The following FAF1 variants were observed in gnomAD, a reference collection of about 807,000 sequenced individuals.
The protein encoded by FAF1 is FAS-associated factor 1.
A neutral mutation model predicts 92.5 loss-of-function variants in FAF1; 25 were observed. That is an observed-to-expected ratio of 0.27 (90% CI 0.20 to 0.38). FAF1 has a LOEUF of 0.38. FAF1 is among the 10% of genes least tolerant of loss of function. The pLI is 1.00. For synonymous variants in FAF1, 234 were observed against 273.2 expected, an observed-to-expected ratio of 0.86 and a Z score of 1.42; for missense variants, 636 against 793.3, an observed-to-expected ratio of 0.80 and a Z score of 2.38.
chr1:50,644,785 A>C (rs1267924992), intron 8 of FAF1, among the ~76,000 whole-genome samples: 2 of 152,230 alleles, frequency 1.3e-5, no homozygotes, highest in East Asian at 1.9e-4. Flanking sequence ...ATCCCAAAGC[A>C]GTTATCCCTT....
At chr1:50,581,328 ATT>A (rs1650979865) in intron 12 of FAF1, among the ~76,000 whole-genome samples, 1 of 152,122 alleles carries the variant, frequency 6.6e-6, no homozygotes, top group South Asian at 2.1e-4. Context: ...TTTTAAATGA[ATT>A]TTTCTTTGTA....
chr1:50,494,760 C>A (rs1034605648), intron 15 of FAF1, among the ~76,000 whole-genome samples: 1 of 152,192 alleles, frequency 6.6e-6, no homozygotes, highest in African/African-American at 2.4e-5. Flanking sequence ...CCTATAGCAT[C>A]TAGCATACTA....
intron 1 of FAF1, among the ~76,000 whole-genome samples, chr1:50,885,808 T>C (rs775287297): frequency 6.6e-6 from 1 of 152,204 alleles, no homozygotes; most frequent in South Asian, 2.1e-4. Flanking sequence ...CTTTCTCTGG[T>C]AGTATGAGTT....
chr1:50,739,603 GT>G (rs768223166), intron 5 of FAF1, among the ~76,000 whole-genome samples: 6 of 151,974 alleles, frequency 3.9e-5, no homozygotes, highest in Non-Finnish European at 8.8e-5. Context: ...TATATACTTC[GT>G]TTCAGGGTCA....
intron 1 of FAF1, among the ~76,000 whole-genome samples, chr1:50,929,187 T>A (rs369742313): frequency 3.9e-5 from 6 of 151,904 alleles, no homozygotes; most frequent in African/African-American, 1.5e-4. Flanking sequence ...ATGTGTTTAA[T>A]AATACTCTCA....
chr1:50,805,865 T>C (rs1662177400), intron 2 of FAF1, among the ~76,000 whole-genome samples: 1 of 152,214 alleles, frequency 6.6e-6, no homozygotes, highest in African/African-American at 2.4e-5. Context: ...GTACCATTTT[T>C]ATTAAATGTG....
intron 3 of FAF1, among the ~76,000 whole-genome samples, chr1:50,791,152 A>G (rs149558859): frequency 5.3e-5 from 8 of 152,314 alleles, no homozygotes; most frequent in African/African-American, 1.9e-4. Flanking sequence ...ATCTTGTACA[A>G]AAAAACATGG....
At chr1:50,887,499 T>C (rs992417689) in intron 1 of FAF1, among the ~76,000 whole-genome samples, 16 of 152,266 alleles carry the variant, frequency 1.1e-4, no homozygotes, top group Non-Finnish European at 1.9e-4. Flanking sequence ...CTAGGGTTTT[T>C]ATGGTTTTAG....
At chr1:50,599,176 G>A (rs1371890549) in intron 8 of FAF1, among the ~76,000 whole-genome samples, 1 of 151,950 alleles carries the variant, frequency 6.6e-6, no homozygotes, top group African/African-American at 2.4e-5. Context: ...GCAGTGGTAC[G>A]ATCTCAGCTC....
intron 18 of FAF1, among the ~76,000 whole-genome samples, chr1:50,473,261 T>C (rs1646598987): frequency 6.6e-6 from 1 of 152,176 alleles, no homozygotes; most frequent in Non-Finnish European, 1.5e-5. Context: ...TCAAAAAGCC[T>C]AGCTCCTTTT....
chr1:50,606,284 T>C (rs1237357527), intron 8 of FAF1, among the ~76,000 whole-genome samples: 1 of 152,132 alleles, frequency 6.6e-6, no homozygotes, highest in African/African-American at 2.4e-5. Flanking sequence ...CTAAAACATA[T>C]AACAACCAAA....
Position 50,738,865 on chromosome 1 carries a change from A to G in FAF1, c.549T>C (p.Ala183=), listed in dbSNP as rs1414500477. Residue 183 remains alanine, a splice_region_variant and synonymous_variant, in exon 6 of 19, where the codon GCT becomes GCC. Coordinates refer to ENST00000396153, the MANE Select transcript of FAF1 (RefSeq NM_007051.3). The part of the protein sequence containing the change: ...DLPPPSSSSH[A]GALQESLNQN... Reference sequence around the variant, plus strand: ...CCCAGGAAATATAAACAACTTACCCAGCATGACTAGATGATGAAGGTGGTG... The same window carrying G: ...CCCAGGAAATATAAACAACTTACCCGGCATGACTAGATGATGAAGGTGGTG... 1 of 1,593,168 alleles carries G rather than the reference A, an allele frequency of 6.3e-7. No homozygotes were observed. The highest frequency in any genetic ancestry group is 8.6e-7 in the Non-Finnish European group (1 of 1,164,208).
chr1:50,535,226 G>A (rs1424699186), intron 15 of FAF1, 143 bp downstream of exon 15: 2 of 584,322 alleles, frequency 3.4e-6, no homozygotes, highest in Non-Finnish European at 6.1e-6. Context: ...AAACTCCATA[G>A]CATAAAAACC....
chr1:50,726,434 C>T (rs180910843), intron 6 of FAF1, among the ~76,000 whole-genome samples: 8 of 152,138 alleles, frequency 5.3e-5, no homozygotes, highest in South Asian at 4.2e-4. Flanking sequence ...CGGTAGCTCA[C>T]GCCTGTAATC....
intron 2 of FAF1, among the ~76,000 whole-genome samples, chr1:50,837,383 T>TACATGC (rs1401547759): frequency 6.6e-6 from 1 of 152,218 alleles, no homozygotes; most frequent in African/African-American, 2.4e-5. Context: ...TTGTTTGCTT[T>TACATGC]ACATGCCACT....
chr1:50,540,751 T>C (rs1648720762), intron 13 of FAF1, among the ~76,000 whole-genome samples: 1 of 152,230 alleles, frequency 6.6e-6, no homozygotes, highest in Admixed American at 6.5e-5. Context: ...TAATGAATTA[T>C]GAAAGACCAA....
chr1:50,700,204 A>G (rs750955360), intron 7 of FAF1, among the ~76,000 whole-genome samples: 17 of 147,680 alleles, frequency 1.2e-4, no homozygotes, highest in Non-Finnish European at 2.2e-4. Flanking sequence ...TCTCATTGCT[A>G]CAGAGCAAGC....
At chr1:50,489,701 T>C (rs1025901037) in intron 17 of FAF1, among the ~76,000 whole-genome samples, 1 of 152,292 alleles carries the variant, frequency 6.6e-6, no homozygotes, top group Admixed American at 6.5e-5. Context: ...GCTATGGACA[T>C]GACATGAACT....
At chr1:50,467,767 T>A (rs964362853) in intron 18 of FAF1, among the ~76,000 whole-genome samples, 4 of 152,180 alleles carry the variant, frequency 2.6e-5, no homozygotes, top group African/African-American at 7.2e-5. Context: ...ACTGGGCAAG[T>A]TACCTAACCT....
Sources: gnomAD v4.1 joint callset for allele counts (sites outside exome capture counted in the v4.1 genomes callset) on GRCh38, gnomAD v4.1.1 for gene constraint, MANE v1.5 for transcripts, NCBI Gene and HGNC (gene_info 2026-07-23, HGNC 2026-07-21) for gene names.